The following SWT1 variants were observed in gnomAD, a reference collection of about 807,000 sequenced individuals.
SWT1 encodes SWT1 RNA endoribonuclease homolog, also known as transcriptional protein SWT1.
SWT1 carries 33 observed loss-of-function variants against 107.3 expected under a neutral mutation model. That is an observed-to-expected ratio of 0.31 (90% CI 0.23 to 0.41). SWT1 has a LOEUF of 0.41. Among genes scored for constraint, SWT1 ranks in the 10% least tolerant of loss-of-function variants. The pLI is 1.00. For missense variants in SWT1, 898 were observed against 1,028.9 expected, an observed-to-expected ratio of 0.87 and a Z score of 1.74; for synonymous variants, 345 against 348.3, an observed-to-expected ratio of 0.99 and a Z score of 0.11.
chr1:185,202,507 A>G, intron 10 of SWT1, 147 bp from the exon 11 acceptor site: 1 of 511,814 alleles, frequency 2.0e-6, no homozygotes, highest in Non-Finnish European at 3.3e-6. Context: ...CCCAAAGCTC[A>G]TATTTTTTTA....
chr1:185,218,969 G>A (rs148371550), intron 14 of SWT1, among the ~76,000 whole-genome samples: 20 of 152,228 alleles, frequency 1.3e-4, no homozygotes, highest in Admixed American at 5.9e-4. Flanking sequence ...ATCCACTTGC[G>A]TAGTATATAC....
chr1:185,163,532 T>C (rs1382786624), intron 2 of SWT1, among the ~76,000 whole-genome samples: 1 of 151,952 alleles, frequency 6.6e-6, no homozygotes, highest in Non-Finnish European at 1.5e-5. Context: ...TAGATGGGAC[T>C]ACAGGCACCC....
At chr1:185,171,010 T>A (rs1443252503) in intron 4 of SWT1, among the ~76,000 whole-genome samples, 1 of 152,204 alleles carries the variant, frequency 6.6e-6, no homozygotes, top group East Asian at 1.9e-4. Context: ...CCAGAGACGA[T>A]TGACAGTCAC....
intron 5 of SWT1, chr1:185,176,554 T>C (rs1655577566): frequency 2.0e-6 from 2 of 978,280 alleles, no homozygotes; most frequent in African/African-American, 1.7e-5. Context: ...TTTGTTTCTA[T>C]GTCAAATAAA....
intron 9 of SWT1, among the ~76,000 whole-genome samples, chr1:185,188,908 A>G (rs1296097474): frequency 6.6e-6 from 1 of 152,172 alleles, no homozygotes; most frequent in East Asian, 1.9e-4. Flanking sequence ...GTTCTCAGGT[A>G]GGTAGTTTAT....
chr1:185,174,603 T>C lies in SWT1; in HGVS notation c.456T>C (p.Ser152=). ...TTGACCATGGAATTAAAAGCCTTAGTAGTCCTAAGATTGCCAGTGATGTGA... is the reference window on the plus strand; with the variant it reads ...TTGACCATGGAATTAAAAGCCTTAGCAGTCCTAAGATTGCCAGTGATGTGA... ...SKLDHGIKSL[S]SPKIASDVKP... Residue 152 remains serine, a synonymous_variant, in exon 5 of 19, where the codon AGT becomes AGC. Coordinates refer to ENST00000367500, the MANE Select transcript of SWT1 (RefSeq NM_017673.7). 1 of 1,610,446 alleles carries C rather than the reference T, an allele frequency of 6.2e-7. No homozygotes were observed. Among genetic ancestry groups the C allele is most frequent in the South Asian group, 1.1e-5 (1 of 89,946 alleles).
intron 16 of SWT1, among the ~76,000 whole-genome samples, chr1:185,265,906 CT>C (rs920951559): frequency 8.6e-5 from 13 of 151,954 alleles, no homozygotes; most frequent in Admixed American, 3.3e-4. Flanking sequence ...CCTTTTAAAA[CT>C]TTTTTTCACA....
At chr1:185,170,813 A>G (rs779337132) in intron 4 of SWT1, among the ~76,000 whole-genome samples, 24 of 152,198 alleles carry the variant, frequency 1.6e-4, no homozygotes, top group Admixed American at 3.9e-4. Context: ...GAAGAAAAGG[A>G]TTAGTATACA....
chr1:185,263,776 C>A (rs1230979744), intron 16 of SWT1: 1 of 152,124 alleles, frequency 6.6e-6, no homozygotes, highest in Non-Finnish European at 1.5e-5. Flanking sequence ...GAAACTGGGA[C>A]TAGAATTTTA....
chr1:185,218,045 G>A (rs746858008), intron 14 of SWT1, among the ~76,000 whole-genome samples: 1 of 152,128 alleles, frequency 6.6e-6, no homozygotes, highest in Non-Finnish European at 1.5e-5. Flanking sequence ...TGCCAAAAAG[G>A]TTGGGGACTG....
chr1:185,246,911 G>T (rs1661654111), intron 16 of SWT1, among the ~76,000 whole-genome samples: 1 of 152,048 alleles, frequency 6.6e-6, no homozygotes, highest in South Asian at 2.1e-4. Flanking sequence ...TTACAGGTGT[G>T]AGCCACCATG....
At chr1:185,214,710 T>C in intron 14 of SWT1, 55 bp downstream of exon 14, 1 of 1,459,296 alleles carries the variant, frequency 6.9e-7, no homozygotes, top group Non-Finnish European at 9.4e-7. Context: ...GTTCTGAAAA[T>C]GTGTTTAGCA....
intron 16 of SWT1, among the ~76,000 whole-genome samples, chr1:185,258,354 G>A (rs1662771157): frequency 6.6e-6 from 1 of 151,852 alleles, no homozygotes; most frequent in African/African-American, 2.4e-5. Context: ...CAAATTATTT[G>A]TTACTATATA....
At position 185,205,717 on chromosome 1, in the gene SWT1, T is replaced by A. The variant is rs79462024; in HGVS notation, c.1833+854T>A. Reference sequence around the variant, plus strand: ...TAGCTTGTATCTATTCCAGCTGTTCTGTGAGATTCTAATATTTGCCAGAAC... The same window carrying A: ...TAGCTTGTATCTATTCCAGCTGTTCAGTGAGATTCTAATATTTGCCAGAAC... On this transcript the variant is annotated intron_variant, in intron 12 of 18. Transcript: ENST00000367500. 5.9e-3 allele frequency among the ~76,000 whole-genome samples: 901 copies of A among 152,306 alleles called. 33 individuals are homozygous for A. The East Asian group carries it at 0.096, about 16-fold the overall frequency.
chr1:185,267,289 C>T (rs1663475929), intron 16 of SWT1, among the ~76,000 whole-genome samples: 1 of 152,086 alleles, frequency 6.6e-6, no homozygotes, highest in Non-Finnish European at 1.5e-5. Flanking sequence ...CTGCTTTATC[C>T]CCATTTCACA....
chr1:185,202,243 C>G (rs566609336), intron 10 of SWT1, among the ~76,000 whole-genome samples: 1 of 152,098 alleles, frequency 6.6e-6, no homozygotes, highest in Non-Finnish European at 1.5e-5. Flanking sequence ...TAAATTTGTA[C>G]TTGTCTGCCT....
intron 4 of SWT1, chr1:185,171,391 A>G (rs1655045135): frequency 4.5e-6 from 1 of 222,070 alleles, no homozygotes; most frequent in Non-Finnish European, 9.5e-6. Context: ...AACGTAATTC[A>G]TAACCCCTTT....
At chr1:185,266,132 T>C (rs1346490565) in intron 16 of SWT1, among the ~76,000 whole-genome samples, 5 of 152,170 alleles carry the variant, frequency 3.3e-5, no homozygotes, top group South Asian at 2.1e-4. Context: ...GGCGCCATCT[T>C]GGCTCACTGC....
intron 5 of SWT1, chr1:185,176,573 T>C (rs1655579792): frequency 3.1e-6 from 3 of 981,718 alleles, no homozygotes; most frequent in African/African-American, 1.7e-5. Flanking sequence ...AAGTTACTTA[T>C]CTTCAAGAGA....
Sources: gnomAD v4.1 joint callset for allele counts (sites outside exome capture counted in the v4.1 genomes callset) on GRCh38, gnomAD v4.1.1 for gene constraint, MANE v1.5 for transcripts, NCBI Gene and HGNC (gene_info 2026-07-23, HGNC 2026-07-21) for gene names.